NEBL: variants seen among roughly 807,000 people sequenced by gnomAD.
NEBL encodes LIM and SH3 protein 2.
Under a neutral mutation model 140.2 loss-of-function variants are expected in NEBL, and 122 were observed. The observed-to-expected ratio is 0.87, with a 90% CI of 0.75 to 1.01. The LOEUF is 1.01. NEBL is among the 50% of genes least tolerant of loss of function. The probability of loss-of-function intolerance (pLI) is 0.00; values close to 1 mark genes in which losing one functional copy is unlikely to be tolerated. For missense variants in NEBL, 1,365 were observed against 1,231.3 expected (o/e 1.11, Z -1.62); for synonymous variants, 436 against 398.9 (o/e 1.09, Z -1.11).
At chr10:20,831,067 T>C in intron 16 of NEBL, 129 bp downstream of exon 16, 2 of 746,852 alleles carry the variant, frequency 2.7e-6, no homozygotes, top group South Asian at 3.0e-5. Flanking sequence ...GCCAATGGTT[T>C]CTTAGTGAAA....
At chr10:21,147,678 C>T (rs573187753) in intron 2 of NEBL, among the ~76,000 whole-genome samples, 5 of 152,280 alleles carry the variant, frequency 3.3e-5, no homozygotes, top group Non-Finnish European at 5.9e-5. Flanking sequence ...TCCGCCTCCA[C>T]GGAAGGAACA....
At chr10:20,795,866 A>G (rs1373398747) in intron 26 of NEBL, among the ~76,000 whole-genome samples, 1 of 152,218 alleles carries the variant, frequency 6.6e-6, no homozygotes, top group African/African-American at 2.4e-5. Context: ...TGAAAATACA[A>G]TTAATTCCAT....
At chr10:20,966,356 T>A (rs1836316667) in intron 3 of NEBL, among the ~76,000 whole-genome samples, 1 of 152,212 alleles carries the variant, frequency 6.6e-6, no homozygotes, top group Non-Finnish European at 1.5e-5. Flanking sequence ...GTTCTATTTA[T>A]CTAACACTCC....
intron 3 of NEBL, among the ~76,000 whole-genome samples, chr10:21,185,671 ATT>A (rs1316347811): frequency 6.6e-6 from 1 of 150,580 alleles, no homozygotes; most frequent in African/African-American, 2.4e-5. Context: ...TAATTTTTGT[ATT>A]TTTAGTAGAG....
chr10:21,102,795 CAT>C (rs1262830426), intron 2 of NEBL, among the ~76,000 whole-genome samples: 44 of 152,334 alleles, frequency 2.9e-4, no homozygotes, highest in African/African-American at 7.7e-4. Context: ...GTCTTTAACA[CAT>C]GTTTGCACAC....
At chr10:20,867,027 T>C (rs1701254098) in intron 7 of NEBL, among the ~76,000 whole-genome samples, 1 of 152,128 alleles carries the variant, frequency 6.6e-6, no homozygotes, top group African/African-American at 2.4e-5. Flanking sequence ...ATATTTAAAA[T>C]ATTAAAATGT....
chr10:21,233,150 C>A (rs1842288162), intron 3 of NEBL, among the ~76,000 whole-genome samples: 1 of 152,304 alleles, frequency 6.6e-6, no homozygotes, highest in Non-Finnish European at 1.5e-5. Flanking sequence ...GCAACCTCCA[C>A]CTCCCAAGCT....
chr10:21,272,118 ATTTTTTTTTTTTTT>A (rs10678454), intron 1 of NEBL, among the ~76,000 whole-genome samples: 1 of 79,098 alleles, frequency 1.3e-5, no homozygotes, highest in African/African-American at 5.7e-5. Context: ...CACTTGGTTA[ATTTTTTTTTTTTTT>A]TTTTTTTTTT....
chr10:21,101,569 G>C (rs972805942), intron 2 of NEBL, among the ~76,000 whole-genome samples: 5 of 152,186 alleles, frequency 3.3e-5, no homozygotes, highest in African/African-American at 1.2e-4. Context: ...CCAGAGCAGA[G>C]CCCCTGCATT....
At position 20,782,016 on chromosome 10, in the gene NEBL, T is replaced by C. The variant is rs961251960; in HGVS notation, c.*3731A>G. The C allele has an allele frequency of 1.8e-4, 28 of 152,636 alleles. No homozygotes were observed. Among genetic ancestry groups the C allele is most frequent in the African/African-American group, 6.7e-4 (28 of 41,522 alleles). The allele number at this position is 152,636 out of a possible 1,614,324, so 9.5% of individuals were successfully genotyped here. On this transcript the variant is annotated 3_prime_UTR_variant, in exon 28 of 28. Transcript: ENST00000377122. Reference sequence around the variant, plus strand: ...TCTATCTTACAATAGGCATTTTAAATCCCAAATCTAAAGTTAATGTTTATA... The same window carrying C: ...TCTATCTTACAATAGGCATTTTAAACCCCAAATCTAAAGTTAATGTTTATA...
At chr10:20,917,080 C>T (rs1251845175) in intron 4 of NEBL, among the ~76,000 whole-genome samples, 2 of 152,164 alleles carry the variant, frequency 1.3e-5, no homozygotes, top group Non-Finnish European at 2.9e-5. Flanking sequence ...TATAACCCTC[C>T]TGATTATGGG....
intron 3 of NEBL, among the ~76,000 whole-genome samples, chr10:21,016,016 T>TGATTCCAC (rs1838542027): frequency 6.6e-6 from 1 of 152,386 alleles, no homozygotes; most frequent in East Asian, 1.9e-4. Flanking sequence ...ATAATGTTGC[T>TGATTCCAC]GATTCCACCA....
intron 2 of NEBL, among the ~76,000 whole-genome samples, chr10:21,147,537 G>A (rs1290514858): frequency 6.6e-6 from 1 of 151,698 alleles, no homozygotes; most frequent in Admixed American, 6.6e-5. Context: ...CACCATTGCT[G>A]TGGATTCCAG....
At position 20,835,632 on chromosome 10, in the gene NEBL, G is replaced by C; in HGVS notation, c.1339-9C>G. 1 of 1,574,670 alleles carries C rather than the reference G, an allele frequency of 6.4e-7. No individual in the cohort carries two copies. The highest frequency in any genetic ancestry group is 8.7e-7 in the Non-Finnish European group (1 of 1,147,826). ...TCTTTCTTGTATTCTTTCTGCAAAAGACAACATTTTACAACATTCAAACAC... is the reference window on the plus strand; with the variant it reads ...TCTTTCTTGTATTCTTTCTGCAAAACACAACATTTTACAACATTCAAACAC... On this transcript the variant is annotated splice_polypyrimidine_tract_variant and intron_variant, in intron 13 of 27. Transcript: ENST00000377122.
At chr10:21,155,007 T>C (rs886359951) in intron 2 of NEBL, among the ~76,000 whole-genome samples, 1 of 152,142 alleles carries the variant, frequency 6.6e-6, no homozygotes, top group African/African-American at 2.4e-5. Context: ...GAGACCAGCC[T>C]GGCCAACATG....
intron 19 of NEBL, among the ~76,000 whole-genome samples, chr10:20,822,725 CAAAAT>C (rs916874838): frequency 1.3e-5 from 2 of 151,198 alleles, no homozygotes; most frequent in African/African-American, 2.4e-5. Flanking sequence ...GTCTACAAAA[CAAAAT>C]AAATGACAAA....
In NEBL at chr10:20,853,631, TA is replaced by T. The variant is rs199680310; in HGVS notation, c.904-983del. 6.8e-3 allele frequency among the ~76,000 whole-genome samples: 1,033 copies of T among 152,000 alleles called. 15 individuals carry two copies. Among genetic ancestry groups the T allele is most frequent in the African/African-American group, 0.024 (995 of 41,440 alleles). On this transcript the variant is annotated intron_variant, in intron 9 of 27. Transcript: ENST00000377122. ...AGTGAGACCCCAGTTCTACAAAAAATAAAGAAATCAGCTGGGCATGGTGACA... is the reference window on the plus strand; with the variant it reads ...AGTGAGACCCCAGTTCTACAAAAAATAAGAAATCAGCTGGGCATGGTGACA...
chr10:21,083,389 G>A (rs1836476086), intron 2 of NEBL, among the ~76,000 whole-genome samples: 1 of 152,112 alleles, frequency 6.6e-6, no homozygotes, highest in African/African-American at 2.4e-5. Context: ...CCCAGTAGCA[G>A]CACCCCACCT....
At chr10:20,894,786 G>A (rs1316893154) in intron 2 of NEBL, among the ~76,000 whole-genome samples, 1 of 150,142 alleles carries the variant, frequency 6.7e-6, no homozygotes, top group South Asian at 2.1e-4. Context: ...AAAATTAGCC[G>A]GGCTTAGTGG....
Sources: gnomAD v4.1 joint callset for allele counts (sites outside exome capture counted in the v4.1 genomes callset) on GRCh38, gnomAD v4.1.1 for gene constraint, MANE v1.5 for transcripts, NCBI Gene and HGNC (gene_info 2026-07-23, HGNC 2026-07-21) for gene names.